Variants in WIPI2 observed in about 807,000 individuals in gnomAD.
WIPI2 encodes WD repeat domain phosphoinositide-interacting protein 2.
WIPI2 carries 28 observed loss-of-function variants against 52.3 expected under a neutral mutation model. The observed-to-expected ratio is 0.54, with a 90% CI of 0.40 to 0.73. The LOEUF (loss-of-function observed/expected upper bound fraction) is 0.73, where lower values mean the gene tolerates loss of function less well. Among genes scored for constraint, WIPI2 ranks in the 30% least tolerant of loss-of-function variants. The pLI is 0.00. For missense variants in WIPI2, 506 were observed against 602.9 expected (o/e 0.84, Z 1.68); for synonymous variants, 268 against 245.0 (o/e 1.09, Z -0.88).
Position 5,230,846 on chromosome 7 carries a change from G to A in WIPI2, c.1264G>A (p.Asp422Asn), listed in dbSNP as rs761828775. 5.6e-6 allele frequency: 9 copies of A among 1,613,474 alleles called. No homozygotes were observed. Among genetic ancestry groups the A allele is most frequent in the African/African-American group, 2.7e-5 (2 of 75,024 alleles). The change falls in exon 13 of 13, where the codon GAC (aspartate) becomes AAC (asparagine). Residue 422 changes from aspartate to asparagine, a missense_variant. This residue lies in a region of WIPI2 where 194 missense variants were observed against 175.1 expected (regional missense o/e 1.11). Transcript: ENST00000288828. The surrounding 1 kb of genome is among the most constrained non-coding windows in gnomAD (Gnocchi z 4.8). ...TCGTCTCTTTGCAGCCTACACAGACGACCTGGGTGCTGTGGGTGGCGCCTG... is the reference window on the plus strand; with the variant it reads ...TCGTCTCTTTGCAGCCTACACAGACAACCTGGGTGCTGTGGGTGGCGCCTG... ...SSPTRLAYTD[D>N]LGAVGGACLE...
At chr7:5,204,707 T>A (rs1194969776) in intron 3 of WIPI2, among the ~76,000 whole-genome samples, 7 of 152,038 alleles carry the variant, frequency 4.6e-5, no homozygotes, top group East Asian at 1.9e-4. Flanking sequence ...TTTTTTTTTT[T>A]AAAACACAGG....
chr7:5,193,453 G>C, intron 2 of WIPI2: 1 of 797,146 alleles, frequency 1.3e-6, no homozygotes, highest in African/African-American at 1.8e-5. Flanking sequence ...ATGTTATGAA[G>C]TGTGTGGAGA....
Position 5,233,590 on chromosome 7 carries a change from A to G in WIPI2, c.*2643A>G, listed in dbSNP as rs2115337929. The G allele has an allele frequency of 6.5e-6, 1 of 152,750 alleles. No individual in the cohort carries two copies. The highest frequency in any genetic ancestry group is 1.9e-4 in the East Asian group (1 of 5,190). 9.5% of individuals were successfully genotyped at this position (152,750 alleles called of 1,614,324 possible). A position where few individuals can be genotyped will look rare whatever the true frequency, so the allele number is the denominator to read the frequency against. On this transcript the variant is annotated 3_prime_UTR_variant, in exon 13 of 13. Coordinates refer to ENST00000288828, the MANE Select transcript of WIPI2 (RefSeq NM_015610.4). ...CTGTAATCTCTAAAACAATGGGACC[A>G]AGAGCTGGATGGAACCTGGAGTCAA... is the stretch of plus-strand genomic sequence containing the variant.
At position 5,231,880 on chromosome 7, in the gene WIPI2, G is replaced by C. The variant is rs1451672324; in HGVS notation, c.*933G>C. On this transcript the variant is annotated 3_prime_UTR_variant, in exon 13 of 13. Transcript: ENST00000288828. ...CCGCAGGGGCTTCCTACCTGTGTGA[G>C]AGGTCGTAGCGGGAGACAGCAACAG... 1 of 265,046 alleles carries C rather than the reference G, an allele frequency of 3.8e-6. No homozygotes were observed. Among genetic ancestry groups the C allele is most frequent in the Non-Finnish European group, 7.0e-6 (1 of 141,862 alleles). 16.4% of individuals were successfully genotyped at this position (265,046 alleles called of 1,614,324 possible). A position where few individuals can be genotyped will look rare whatever the true frequency, so the allele number is the denominator to read the frequency against.
At chr7:5,213,974 C>T (rs531735275) in intron 3 of WIPI2, among the ~76,000 whole-genome samples, 26 of 152,324 alleles carry the variant, frequency 1.7e-4, no homozygotes, top group African/African-American at 2.4e-4. Flanking sequence ...CGTGAGCCAC[C>T]GCGCCCGGCC....
chr7:5,216,352 A>G lies in WIPI2; in HGVS notation c.382-211A>G, dbSNP rs1782811031. On this transcript the variant is annotated intron_variant, in intron 4 of 12. Transcript: ENST00000288828. ...GAGGCTGAGGCAGGAAAATCACTTGAACCCGGAAGGCAGAGGTTGCAGTGA... is the reference window on the plus strand; with the variant it reads ...GAGGCTGAGGCAGGAAAATCACTTGGACCCGGAAGGCAGAGGTTGCAGTGA... 3 of 375,244 alleles carry G rather than the reference A, an allele frequency of 8.0e-6. No homozygotes were observed. The Admixed American group carries it at 1.1e-4, about 14-fold the overall frequency. The allele number at this position is 375,244 out of a possible 1,614,324, so 23.2% of individuals were successfully genotyped here. A position where few individuals can be genotyped will look rare whatever the true frequency, so the allele number is the denominator to read the frequency against.
At position 5,229,591 on chromosome 7, in the gene WIPI2, C is replaced by G; in HGVS notation, c.1122-17C>G. The G allele has an allele frequency of 6.2e-7, 1 of 1,610,246 alleles. No homozygotes were observed. The highest frequency in any genetic ancestry group is 1.1e-5 in the South Asian group (1 of 90,368). On this transcript the variant is annotated splice_polypyrimidine_tract_variant and intron_variant, in intron 11 of 12. Coordinates refer to ENST00000288828, the MANE Select transcript of WIPI2 (RefSeq NM_015610.4). Reference sequence around the variant, plus strand: ...CCTGTGTGGAGACGCTGAGCTGTGTCGCTTTCTTCCCTCCAGGCTGGACGG... The same window carrying G: ...CCTGTGTGGAGACGCTGAGCTGTGTGGCTTTCTTCCCTCCAGGCTGGACGG...
intron 2 of WIPI2, among the ~76,000 whole-genome samples, chr7:5,198,794 G>A (rs1003891274): frequency 2.6e-5 from 4 of 152,064 alleles, no homozygotes; most frequent in African/African-American, 9.7e-5. Context: ...ACTTTATTGT[G>A]GTGTAATTAA....
chr7:5,222,463 G>C, intron 7 of WIPI2, 139 bp from the exon 8 acceptor site: 1 of 833,720 alleles, frequency 1.2e-6, no homozygotes, highest in East Asian at 2.5e-5. Context: ...GGGGCCCTGG[G>C]GGACCCCAGA....
intron 7 of WIPI2, chr7:5,219,110 C>G: frequency 6.6e-6 from 1 of 152,234 alleles, no homozygotes; most frequent in Non-Finnish European, 1.5e-5. Context: ...TGGGTCACTT[C>G]TGGGTCGTGA....
Position 5,228,000 on chromosome 7 carries a change from C to T in WIPI2, c.1014-104C>T. 9.4e-6 allele frequency: 10 copies of T among 1,063,912 alleles called. No homozygotes were observed. The highest frequency in any genetic ancestry group is 1.4e-5 in the Non-Finnish European group (10 of 704,380). 65.9% of individuals were successfully genotyped at this position (1,063,912 alleles called of 1,614,324 possible). A position where few individuals can be genotyped will look rare whatever the true frequency, so the allele number is the denominator to read the frequency against. Reference sequence around the variant, plus strand: ...CACCTGCAGCTGCCCTTGTGCTCATCTTGCTGGGGTCTCTTTCCTCGCCTG... The same window carrying T: ...CACCTGCAGCTGCCCTTGTGCTCATTTTGCTGGGGTCTCTTTCCTCGCCTG... On this transcript the variant is annotated intron_variant, in intron 10 of 12. Transcript: ENST00000288828. This position sits in a 1 kb window ranked among gnomAD's most constrained non-coding sequence, Gnocchi z 8.1.
chr7:5,209,762 T>A (rs1275453920), intron 3 of WIPI2, among the ~76,000 whole-genome samples: 2 of 152,018 alleles, frequency 1.3e-5, no homozygotes, highest in Non-Finnish European at 2.9e-5. Context: ...AGTGGTTTGT[T>A]CCTCCAGGCA....
chr7:5,195,342 G>C lies in WIPI2; in HGVS notation c.128+2171G>C, dbSNP rs576021150. On this transcript the variant is annotated intron_variant, in intron 2 of 12. Coordinates refer to ENST00000288828, the MANE Select transcript of WIPI2 (RefSeq NM_015610.4). ...ACTCTACACAAAACAAAAATTAGCC[G>C]GGTGTGGTGGCACGCGCCTGTGGTC... is the stretch of plus-strand genomic sequence containing the variant. 4.5e-4 allele frequency among the ~76,000 whole-genome samples: 69 copies of C among 152,126 alleles called. No individual in the cohort carries two copies. In the Middle Eastern group the frequency reaches 0.01, roughly 22 times the overall value.
chr7:5,231,093 C>CT lies in WIPI2; in HGVS notation c.*147dup, dbSNP rs1407401044. The CT allele has an allele frequency of 2.0e-5, 11 of 537,734 alleles. No individual in the cohort carries two copies. The highest frequency in any genetic ancestry group is 3.9e-5 in the Admixed American group (1 of 25,404). The allele number at this position is 537,734 out of a possible 1,614,324, so 33.3% of individuals were successfully genotyped here. On this transcript the variant is annotated 3_prime_UTR_variant, in exon 13 of 13. Coordinates refer to ENST00000288828, the MANE Select transcript of WIPI2 (RefSeq NM_015610.4). ...AAAAAAAAAAGATTGTAGTGGTAGTCTAACTCCATAACGCTGAGGAAATAC... is the reference window on the plus strand; with the variant it reads ...AAAAAAAAAAGATTGTAGTGGTAGTCTTAACTCCATAACGCTGAGGAAATAC...
intron 8 of WIPI2, among the ~76,000 whole-genome samples, chr7:5,225,067 T>C (rs1783357124): frequency 6.6e-6 from 1 of 152,100 alleles, no homozygotes; most frequent in African/African-American, 2.4e-5. Context: ...ATGAATTTAG[T>C]GGCTTTGGGA....
In WIPI2 at chr7:5,199,619, C is replaced by G. The variant is rs1255891896; in HGVS notation, c.172C>G (p.Leu58Val). 2.5e-6 allele frequency: 4 copies of G among 1,613,200 alleles called. No homozygotes were observed. The Admixed American group carries it at 5.0e-5, about 20-fold the overall frequency. Reference protein sequence around the residue: ...GSKSGYKFFSLSSVDKLEQIY... With the variant: ...GSKSGYKFFSVSSVDKLEQIY... ...TAAGTCCGGTTATAAATTTTTCTCC[C>G]TTTCTTCTGTGGATAAGCTGGAACA... Residue 58 changes from leucine to valine, a missense_variant, in exon 3 of 13, where the codon CTT (leucine) becomes GTT (valine). This residue lies in a region of WIPI2 where 60 missense variants were observed against 49.7 expected (regional missense o/e 1.21). Transcript: ENST00000288828.
intron 7 of WIPI2, chr7:5,218,559 G>A (rs1224276251): frequency 6.5e-6 from 1 of 153,086 alleles, no homozygotes; most frequent in East Asian, 1.9e-4. Flanking sequence ...CACCCTTTTG[G>A]GACTTTGTTT....
chr7:5,190,758 C>G (rs548996588), intron 1 of WIPI2: 1 of 339,402 alleles, frequency 2.9e-6, no homozygotes, highest in Non-Finnish European at 5.3e-6. Flanking sequence ...GCGGGGAGGC[C>G]CCCTGGCTTC....
chr7:5,213,665 T>TTTG lies in WIPI2; in HGVS notation c.212-837_212-835dup, dbSNP rs149745229. Among the ~76,000 whole-genome samples the TTTG allele has an allele frequency of 6.1e-3, 343 of 55,900 alleles. 1 individual carries two copies. Among genetic ancestry groups the TTTG allele is most frequent in the African/African-American group, 0.022 (311 of 13,934 alleles). 36.7% of individuals were successfully genotyped at this position (55,900 alleles called of 152,430 possible). A position where few individuals can be genotyped will look rare whatever the true frequency, so the allele number is the denominator to read the frequency against. On this transcript the variant is annotated intron_variant, in intron 3 of 12. Coordinates refer to ENST00000288828, the MANE Select transcript of WIPI2 (RefSeq NM_015610.4). Reference sequence around the variant, plus strand: ...AATTGCCTACGGGGCTTTTCTTTGTTTTGTTGTTGTTGTTGTTGTTGTTGT... The same window carrying TTTG: ...AATTGCCTACGGGGCTTTTCTTTGTTTTGTTGTTGTTGTTGTTGTTGTTGTTGT...
Sources: allele counts gnomAD v4.1 joint callset (sites outside exome capture counted in the v4.1 genomes callset), GRCh38; gene constraint gnomAD v4.1.1; regional missense constraint gnomAD v4.1.1; non-coding constraint Gnocchi (gnomAD v3.1); transcripts MANE v1.5; gene names NCBI Gene and HGNC (gene_info 2026-07-23, HGNC 2026-07-21).